Variants in DRC11 observed in about 807,000 individuals in gnomAD.
DRC11 encodes the protein IQ and AAA domain-containing protein 1.
the DRC11 span, chr2:236,441,253 G>C: frequency 1.5e-6 from 1 of 659,338 alleles, no homozygotes; most frequent in African/African-American, 1.8e-5. Flanking sequence ...GTAGATCAAG[G>C]GCTGGGCATG....
the DRC11 span, among the ~76,000 whole-genome samples, chr2:236,421,621 T>C: frequency 6.6e-6 from 1 of 152,214 alleles, no homozygotes; most frequent in South Asian, 2.1e-4. Context: ...AGCTGAATTC[T>C]ACCAGAGGTA....
chr2:236,335,456 C>A, the DRC11 span, among the ~76,000 whole-genome samples: 3 of 152,186 alleles, frequency 2.0e-5, no homozygotes, highest in African/African-American at 7.2e-5. This position sits in a 1 kb window ranked among gnomAD's most constrained non-coding sequence, Gnocchi z 5.6. Flanking sequence ...GTGTCTGGTG[C>A]AGCTTTATCA....
At chr2:236,355,648 G>A in the DRC11 span, among the ~76,000 whole-genome samples, 1 of 152,074 alleles carries the variant, frequency 6.6e-6, no homozygotes, top group Admixed American at 6.5e-5. Flanking sequence ...GGGGCCAGAT[G>A]TAGGCCTTGG....
the DRC11 span, chr2:236,454,648 G>A: frequency 6.6e-6 from 1 of 152,198 alleles, no homozygotes; most frequent in Non-Finnish European, 1.5e-5. This position sits in a 1 kb window ranked among gnomAD's most constrained non-coding sequence, Gnocchi z 5.3. Context: ...GCTCCATGCA[G>A]AAAACTTGGA....
chr2:236,393,977 G>T, the DRC11 span, among the ~76,000 whole-genome samples: 1 of 151,888 alleles, frequency 6.6e-6, no homozygotes, highest in Non-Finnish European at 1.5e-5. The surrounding 1 kb of genome is among the most constrained non-coding windows in gnomAD (Gnocchi z 4.7). Flanking sequence ...GATGGTAAAT[G>T]GAATAAAATA....
chr2:236,389,507 C>T, the DRC11 span, among the ~76,000 whole-genome samples: 5 of 152,340 alleles, frequency 3.3e-5, no homozygotes, highest in South Asian at 2.1e-4. Flanking sequence ...GGCAATGCCT[C>T]GCCCTGCTTC....
chr2:236,401,272 T>C, the DRC11 span, among the ~76,000 whole-genome samples: 1 of 152,146 alleles, frequency 6.6e-6, no homozygotes, highest in East Asian at 1.9e-4. This position sits in a 1 kb window ranked among gnomAD's most constrained non-coding sequence, Gnocchi z 4.6. Context: ...TGCCCTGCTG[T>C]CCTGTCCGCT....
chr2:236,417,779 C>T, the DRC11 span, among the ~76,000 whole-genome samples: 1 of 152,032 alleles, frequency 6.6e-6, no homozygotes, highest in Non-Finnish European at 1.5e-5. Context: ...CTCCCTGTGC[C>T]CATGTGTTCT....
the DRC11 span, chr2:236,497,258 C>T: frequency 1.9e-6 from 3 of 1,613,782 alleles, no homozygotes; most frequent in Non-Finnish European, 1.7e-6. The surrounding 1 kb of genome is among the most constrained non-coding windows in gnomAD (Gnocchi z 5.1). Context: ...AGGATGCGGC[C>T]CATCACCCCG....
chr2:236,335,821 G>C, the DRC11 span, among the ~76,000 whole-genome samples: 1 of 152,204 alleles, frequency 6.6e-6, no homozygotes, highest in Non-Finnish European at 1.5e-5. The surrounding 1 kb of genome is among the most constrained non-coding windows in gnomAD (Gnocchi z 5.6). Context: ...AAGGCCAGGG[G>C]TGTGGAACCC....
the DRC11 span, chr2:236,465,420 C>G: frequency 5.3e-6 from 6 of 1,129,852 alleles, no homozygotes; most frequent in Non-Finnish European, 7.9e-6. The surrounding 1 kb of genome is among the most constrained non-coding windows in gnomAD (Gnocchi z 6.2). Context: ...GACTCTATAT[C>G]AATATGCTTC....
At chr2:236,430,936 G>A in the DRC11 span, among the ~76,000 whole-genome samples, 1 of 152,074 alleles carries the variant, frequency 6.6e-6, no homozygotes, top group Non-Finnish European at 1.5e-5. The surrounding 1 kb of genome is among the most constrained non-coding windows in gnomAD (Gnocchi z 6.0). Context: ...AAAATCTTCC[G>A]AAGTTAAAAG....
chr2:236,331,515 G>A, the DRC11 span: 11 of 1,613,840 alleles, frequency 6.8e-6, no homozygotes, highest in South Asian at 5.5e-5. This position sits in a 1 kb window ranked among gnomAD's most constrained non-coding sequence, Gnocchi z 4.8. Context: ...GGGTGAAGCC[G>A]TCAGTGACCT....
chr2:236,326,792 TTGTGTGTGTGTG>T, the DRC11 span, among the ~76,000 whole-genome samples: 6,389 of 144,048 alleles, frequency 0.044, 200 homozygotes, highest in Middle Eastern at 0.12. Flanking sequence ...TTCAGATTTG[TTGTGTGTGTGTG>T]TGTGTGTGTG....
At chr2:236,476,338 G>C in the DRC11 span, among the ~76,000 whole-genome samples, 2 of 151,968 alleles carry the variant, frequency 1.3e-5, no homozygotes, top group Admixed American at 6.6e-5. The surrounding 1 kb of genome is among the most constrained non-coding windows in gnomAD (Gnocchi z 4.7). Flanking sequence ...CTGTAAATGG[G>C]ATTACTTTTT....
the DRC11 span, chr2:236,465,774 A>G: frequency 1.0e-6 from 1 of 994,008 alleles, no homozygotes; most frequent in Non-Finnish European, 1.6e-6. This position sits in a 1 kb window ranked among gnomAD's most constrained non-coding sequence, Gnocchi z 6.2. Flanking sequence ...TAAAAATATC[A>G]GAAACTGAAC....
At chr2:236,494,001 TTTTCA>T in the DRC11 span, 5 of 874,528 alleles carry the variant, frequency 5.7e-6, no homozygotes, top group Non-Finnish European at 7.9e-6. The surrounding 1 kb of genome is among the most constrained non-coding windows in gnomAD (Gnocchi z 4.2). Context: ...TTACTTCCCA[TTTTCA>T]TTTAAGAAAA....
the DRC11 span, chr2:236,377,081 G>A: frequency 7.1e-7 from 1 of 1,404,386 alleles, no homozygotes. This position sits in a 1 kb window ranked among gnomAD's most constrained non-coding sequence, Gnocchi z 4.9. Context: ...ACACATACAT[G>A]TATTATTCTC....
chr2:236,322,808 A>AACATT, the DRC11 span, among the ~76,000 whole-genome samples: 1 of 152,242 alleles, frequency 6.6e-6, no homozygotes, highest in East Asian at 1.9e-4. Flanking sequence ...AATGGAAATG[A>AACATT]ACATTGAATA....
Sources: gnomAD v4.1 joint callset for allele counts (sites outside exome capture counted in the v4.1 genomes callset) on GRCh38, gnomAD v4.1.1 for gene constraint, Gnocchi (gnomAD v3.1) non-coding constraint, MANE v1.5 for transcripts, NCBI Gene and HGNC (gene_info 2026-07-23, HGNC 2026-07-21) for gene names.